GPHN: variants seen among roughly 807,000 people sequenced by gnomAD.
The protein encoded by GPHN is gephyrin.
GPHN carries 17 observed loss-of-function variants against 95.5 expected under a neutral mutation model. The ratio of observed to expected loss-of-function variants is 0.18; its 90% confidence interval spans 0.12 to 0.27. GPHN has a LOEUF of 0.27. Among genes scored for constraint, GPHN ranks in the 10% least tolerant of loss-of-function variants. The pLI is 1.00. For synonymous variants in GPHN, 320 were observed against 322.5 expected, an observed-to-expected ratio of 0.99 and a Z score of 0.08; for missense variants, 660 against 978.1, an observed-to-expected ratio of 0.67 and a Z score of 4.34.
At chr14:66,633,109 T>C (rs1447149876) in intron 1 of GPHN, among the ~76,000 whole-genome samples, 2 of 152,194 alleles carry the variant, frequency 1.3e-5, no homozygotes, top group African/African-American at 4.8e-5. Context: ...TCTGTCAATA[T>C]TAAATTTAAT....
chr14:67,477,192 T>A, the GPHN span, among the ~76,000 whole-genome samples: 474 of 151,224 alleles, frequency 3.1e-3, 3 homozygotes, highest in African/African-American at 0.011. Context: ...ATGTTCGATA[T>A]CTCCTTATTT....
At chr14:67,616,779 C>T in the GPHN span, 1 of 151,860 alleles carries the variant, frequency 6.6e-6, no homozygotes, top group Admixed American at 6.6e-5. Flanking sequence ...TCATATACAC[C>T]TCATACACAT....
chr14:67,625,676 A>G, the GPHN span, among the ~76,000 whole-genome samples: 1 of 131,664 alleles, frequency 7.6e-6, no homozygotes, highest in Non-Finnish European at 1.6e-5. Context: ...GCAAAACTCC[A>G]TCTCAAAAAA....
the GPHN span, chr14:67,333,866 A>G: frequency 1.3e-5 from 2 of 152,596 alleles, no homozygotes; most frequent in African/African-American, 4.8e-5. Context: ...ACATGGGAGG[A>G]TAGCACATTT....
the GPHN span, among the ~76,000 whole-genome samples, chr14:67,411,430 A>G: frequency 0.016 from 2,381 of 152,176 alleles, 24 homozygotes; most frequent in Middle Eastern, 0.034. Context: ...CCCACCGTGT[A>G]TGGCACTGGG....
chr14:67,096,279 C>G (rs527855816), intron 12 of GPHN, among the ~76,000 whole-genome samples: 1 of 152,174 alleles, frequency 6.6e-6, no homozygotes, highest in African/African-American at 2.4e-5. Context: ...TAACAAAGAC[C>G]TTGCTCCTTA....
the GPHN span, among the ~76,000 whole-genome samples, chr14:67,517,938 G>A: frequency 6.6e-6 from 1 of 152,172 alleles, no homozygotes; most frequent in South Asian, 2.1e-4. Flanking sequence ...GGGTGCACAG[G>A]GTAGAGCAGT....
At chr14:66,954,976 G>A (rs1020323220) in intron 8 of GPHN, among the ~76,000 whole-genome samples, 1 of 152,072 alleles carries the variant, frequency 6.6e-6, no homozygotes, top group African/African-American at 2.4e-5. Flanking sequence ...ATTTGGTCTT[G>A]ATGTATAATT....
At chr14:67,172,932 T>C (rs2082683146) in intron 21 of GPHN, among the ~76,000 whole-genome samples, 1 of 152,084 alleles carries the variant, frequency 6.6e-6, no homozygotes, top group South Asian at 2.1e-4. Flanking sequence ...CCCTATTGAC[T>C]CAGGTTCCTA....
the GPHN span, among the ~76,000 whole-genome samples, chr14:67,660,924 A>T: frequency 6.6e-6 from 1 of 152,210 alleles, no homozygotes; most frequent in Non-Finnish European, 1.5e-5. Flanking sequence ...GTACACAGGT[A>T]TTAAGAAAAG....
At chr14:67,674,376 G>C in the GPHN span, 3 of 1,591,380 alleles carry the variant, frequency 1.9e-6, no homozygotes, top group Non-Finnish European at 2.6e-6. Flanking sequence ...CCGCCTCACC[G>C]GTCCCCGCCG....
At position 66,533,941 on chromosome 14, in the gene GPHN, G is replaced by C. The variant is rs575533437; in HGVS notation, c.64+25350G>C. Among the ~76,000 whole-genome samples the C allele has an allele frequency of 3.3e-5, 5 of 152,284 alleles. No individual in the cohort carries two copies. The South Asian group carries it at 1.0e-3, about 32-fold the overall frequency. On this transcript the variant is annotated intron_variant, in intron 1 of 22. Coordinates refer to ENST00000478722, the MANE Select transcript of GPHN (RefSeq NM_020806.5). ...TATCTATACTAACACACTCTAGTAG[G>C]TAAAGAAACTAAGACCTAGTTAGAT...
chr14:67,125,541 C>A (rs2079249450), intron 17 of GPHN, among the ~76,000 whole-genome samples: 1 of 152,202 alleles, frequency 6.6e-6, no homozygotes, highest in African/African-American at 2.4e-5. Flanking sequence ...CTTTGGGAGG[C>A]CAAGGCGGGC....
intron 2 of GPHN, among the ~76,000 whole-genome samples, chr14:66,738,716 T>G (rs2072514964): frequency 6.6e-6 from 1 of 152,156 alleles, no homozygotes; most frequent in African/African-American, 2.4e-5. Flanking sequence ...TAAAAATTCT[T>G]CACTTAATGT....
At chr14:66,806,817 T>G (rs936725220) in intron 3 of GPHN, among the ~76,000 whole-genome samples, 1 of 152,152 alleles carries the variant, frequency 6.6e-6, no homozygotes, top group Non-Finnish European at 1.5e-5. Flanking sequence ...CCACAAGTCT[T>G]TAGGAAGTTC....
the GPHN span, chr14:67,590,002 G>A: frequency 6.8e-7 from 1 of 1,474,874 alleles, no homozygotes; most frequent in Non-Finnish European, 9.0e-7. Flanking sequence ...CTGATGGTTT[G>A]GAGTACGGAA....
Position 66,681,165 on chromosome 14 carries a change from T to C in GPHN, c.123T>C (p.Asp41=). 1 of 1,591,564 alleles carries C rather than the reference T, an allele frequency of 6.3e-7. No individual in the cohort carries two copies. The highest frequency in any genetic ancestry group is 8.6e-7 in the Non-Finnish European group (1 of 1,160,830). ...ACCGCAGTGGGATAAATCTCAAAGA[T>C]CTCGTACAAGATCCTTCTTTGTGAG... ...AEDRSGINLK[D]LVQDPSLLGG... Residue 41 remains aspartate (D), a synonymous_variant, in exon 2 of 23, where the codon GAT becomes GAC. Coordinates refer to ENST00000478722, the MANE Select transcript of GPHN (RefSeq NM_020806.5).
the GPHN span, among the ~76,000 whole-genome samples, chr14:67,438,446 G>T: frequency 6.6e-6 from 1 of 152,234 alleles, no homozygotes; most frequent in East Asian, 1.9e-4. Context: ...GAGTCAGGAA[G>T]ATCTCAGTTC....
chr14:66,680,234 T>C (rs967823828), intron 1 of GPHN, among the ~76,000 whole-genome samples: 3 of 152,232 alleles, frequency 2.0e-5, no homozygotes, highest in African/African-American at 7.2e-5. Flanking sequence ...ACTCTACCTT[T>C]CTGGTCCTGC....
Sources: allele counts gnomAD v4.1 joint callset (sites outside exome capture counted in the v4.1 genomes callset), GRCh38; gene constraint gnomAD v4.1.1; transcripts MANE v1.5; gene names NCBI Gene and HGNC (gene_info 2026-07-23, HGNC 2026-07-21).